KIAA1217: variants seen among roughly 807,000 people sequenced by gnomAD.
KIAA1217 encodes the protein KIAA1217.
A neutral mutation model predicts 163.9 loss-of-function variants in KIAA1217; 88 were observed. The ratio of observed to expected loss-of-function variants is 0.54; its 90% confidence interval spans 0.45 to 0.64. The LOEUF is 0.64. Among genes scored for constraint, KIAA1217 ranks in the 30% least tolerant of loss-of-function variants. The pLI, the probability that KIAA1217 is intolerant of heterozygous loss-of-function variation, is 0.00. For missense variants in KIAA1217, 2,372 were observed against 2,475.0 expected, an observed-to-expected ratio of 0.96 and a Z score of 0.88; for synonymous variants, 903 against 923.1, an observed-to-expected ratio of 0.98 and a Z score of 0.39.
intron 1 of KIAA1217, among the ~76,000 whole-genome samples, chr10:23,766,575 T>C (rs901872953): frequency 6.6e-6 from 1 of 150,746 alleles, no homozygotes. Context: ...TTTCTTTTTT[T>C]TTTCTTTCTT....
At chr10:24,020,233 T>A (rs1847674186) in intron 2 of KIAA1217, among the ~76,000 whole-genome samples, 1 of 152,144 alleles carries the variant, frequency 6.6e-6, no homozygotes, top group South Asian at 2.1e-4. Context: ...CACCTAGCCA[T>A]CAGCAGATGC....
intron 3 of KIAA1217, among the ~76,000 whole-genome samples, chr10:24,405,235 G>A (rs1591661433): frequency 1.3e-5 from 2 of 152,160 alleles, no homozygotes; most frequent in South Asian, 2.1e-4. Context: ...ATAATTGGGG[G>A]AGGGAGGGCA....
At chr10:23,815,836 G>A (rs1265686900) in intron 1 of KIAA1217, among the ~76,000 whole-genome samples, 2 of 152,038 alleles carry the variant, frequency 1.3e-5, no homozygotes, top group Non-Finnish European at 2.9e-5. Flanking sequence ...TTTCGTTTAC[G>A]AAGTCTTTAG....
chr10:24,347,138 G>T (rs776152964), intron 2 of KIAA1217, among the ~76,000 whole-genome samples: 1 of 152,102 alleles, frequency 6.6e-6, no homozygotes, highest in African/African-American at 2.4e-5. Context: ...CAGGAGTCAT[G>T]AAAAAAAGCC....
chr10:24,277,386 C>G (rs556686290), intron 2 of KIAA1217, among the ~76,000 whole-genome samples: 1 of 152,126 alleles, frequency 6.6e-6, no homozygotes, highest in South Asian at 2.1e-4. Flanking sequence ...AGGGAAGCCT[C>G]GTGAGTGGGA....
chr10:23,729,081 G>A (rs7067617), intron 1 of KIAA1217, among the ~76,000 whole-genome samples: 33,228 of 151,972 alleles, frequency 0.22, 3,877 homozygotes, highest in Middle Eastern at 0.29. Flanking sequence ...TCTTTTATCT[G>A]CTCACATGCA....
At chr10:24,322,954 G>GT (rs746624261) in intron 2 of KIAA1217, among the ~76,000 whole-genome samples, 123 of 152,172 alleles carry the variant, frequency 8.1e-4, no homozygotes, top group South Asian at 1.7e-3. Context: ...ATTTTCAGTT[G>GT]TTTTTTATAG....
chr10:24,180,929 GA>G (rs1477977065), intron 2 of KIAA1217, among the ~76,000 whole-genome samples: 1 of 152,160 alleles, frequency 6.6e-6, no homozygotes, highest in Non-Finnish European at 1.5e-5. Flanking sequence ...TATTGTTGTT[GA>G]AAAGGTAGGG....
chr10:23,770,189 T>A (rs923781776), intron 1 of KIAA1217, among the ~76,000 whole-genome samples: 3 of 152,212 alleles, frequency 2.0e-5, no homozygotes, highest in Non-Finnish European at 2.9e-5. Context: ...TCTAGTTTTT[T>A]AATCATGTTT....
At chr10:24,287,956 A>C (rs1016991446) in intron 2 of KIAA1217, among the ~76,000 whole-genome samples, 3 of 152,184 alleles carry the variant, frequency 2.0e-5, no homozygotes, top group African/African-American at 4.8e-5. Context: ...CACCAGGGAG[A>C]CATGTGAGTT....
At chr10:23,886,503 G>A (rs1841180972) in intron 1 of KIAA1217, among the ~76,000 whole-genome samples, 1 of 151,926 alleles carries the variant, frequency 6.6e-6, no homozygotes, top group African/African-American at 2.4e-5. Context: ...TTCAGATTAG[G>A]GTATCAGACG....
intron 1 of KIAA1217, among the ~76,000 whole-genome samples, chr10:23,912,086 A>G (rs1322764960): frequency 6.6e-6 from 1 of 152,082 alleles, no homozygotes; most frequent in Admixed American, 6.5e-5. Flanking sequence ...AATAACAGAA[A>G]TAAAGTCTCC....
chr10:24,206,486 G>T (rs2067560590), upstream of KIAA1217, among the ~76,000 whole-genome samples: 2 of 152,186 alleles, frequency 1.3e-5, no homozygotes, highest in African/African-American at 2.4e-5. Flanking sequence ...GACAATCAGT[G>T]CTAAATTGTT....
chr10:23,878,728 T>C (rs1840820200), intron 1 of KIAA1217, among the ~76,000 whole-genome samples: 1 of 151,778 alleles, frequency 6.6e-6, no homozygotes, highest in African/African-American at 2.4e-5. Flanking sequence ...GAGCAGGAGG[T>C]GCATCTGTCT....
intron 1 of KIAA1217, among the ~76,000 whole-genome samples, chr10:23,719,341 G>T (rs759380401): frequency 6.6e-6 from 1 of 152,164 alleles, no homozygotes; most frequent in Non-Finnish European, 1.5e-5. Context: ...AACACTTTGA[G>T]AGGCCAAGGA....
chr10:24,471,984 A>T (rs540217699), intron 5 of KIAA1217, among the ~76,000 whole-genome samples: 12 of 152,218 alleles, frequency 7.9e-5, no homozygotes, highest in Non-Finnish European at 1.5e-4. Flanking sequence ...CTTACAGATG[A>T]CTTGAATGGT....
At chr10:24,334,056 G>A (rs998935837) in intron 2 of KIAA1217, among the ~76,000 whole-genome samples, 1 of 152,030 alleles carries the variant, frequency 6.6e-6, no homozygotes. Flanking sequence ...AGTGGGGGAG[G>A]GTATGTGTCT....
rs187489729 is a variant in KIAA1217, at chr10:24,492,438, A to G, written c.1680-2062A>G. The stretch of plus-strand genomic sequence containing the variant: ...CATTTGCAAATCACTCCGTGGAGAT[A>G]TATTTCCACACTCACCGTTTGAGAT... On this transcript the variant is annotated intron_variant, in intron 6 of 20. Coordinates refer to ENST00000376454, the MANE Select transcript of KIAA1217 (RefSeq NM_019590.5). 5.4e-3 allele frequency among the ~76,000 whole-genome samples: 822 copies of G among 152,328 alleles called. 6 individuals are homozygous for G. Among genetic ancestry groups the G allele is most frequent in the Non-Finnish European group, 9.0e-3 (612 of 68,024 alleles).
At chr10:24,129,257 A>G (rs2063569885) in intron 2 of KIAA1217, among the ~76,000 whole-genome samples, 1 of 144,090 alleles carries the variant, frequency 6.9e-6, no homozygotes, top group African/African-American at 2.6e-5. Context: ...GAGGAGAGCC[A>G]GGATGAAAAA....
Sources: allele counts gnomAD v4.1 joint callset (sites outside exome capture counted in the v4.1 genomes callset), GRCh38; gene constraint gnomAD v4.1.1; transcripts MANE v1.5; gene names NCBI Gene and HGNC (gene_info 2026-07-23, HGNC 2026-07-21).